CENPF: variants seen among roughly 807,000 people sequenced by gnomAD.
The protein encoded by CENPF is centromere protein F.
In CENPF, 214 loss-of-function variants were observed where a neutral mutation model predicts 307.3. The ratio of observed to expected loss-of-function variants is 0.70; its 90% CI spans 0.62 to 0.78. The LOEUF (loss-of-function observed/expected upper bound fraction) is 0.78, where lower values mean the gene tolerates loss of function less well. Among genes scored for constraint, CENPF ranks in the 30% least tolerant of loss-of-function variants. The pLI, the probability that CENPF is intolerant of heterozygous loss-of-function variation, is 0.00. For missense variants in CENPF, 3,401 were observed against 3,483.9 expected, an observed-to-expected ratio of 0.98 and a Z score of 0.60; for synonymous variants, 1,259 against 1,270.6, an observed-to-expected ratio of 0.99 and a Z score of 0.19.
chr1:214,642,808 G>A lies in CENPF; in HGVS notation c.4470G>A (p.Leu1490=), dbSNP rs112985127. ...CTGACAGCTCTAGTCTTAGCAGTTTGGGAGACTCCTCCTTTTACAGAGCTC... is the reference window on the plus strand; with the variant it reads ...CTGACAGCTCTAGTCTTAGCAGTTTAGGAGACTCCTCCTTTTACAGAGCTC... ...CVPDSSSLSS[L]GDSSFYRALL... is the part of the protein sequence containing the mutation. The change falls in exon 12 of 20, where the codon TTG becomes TTA. Residue 1490 remains leucine, a synonymous_variant. Transcript: ENST00000366955. The A allele has an allele frequency of 5.8e-4, 933 of 1,613,900 alleles. 5 individuals carry two copies. The African/African-American group carries it at 0.011, about 19-fold the overall frequency.
At chr1:214,605,610 G>A (rs1657001697) in intron 1 of CENPF, 1 of 1,380,022 alleles carries the variant, frequency 7.2e-7, no homozygotes, top group Non-Finnish European at 9.9e-7. Context: ...AGCCCCTGGG[G>A]GGCCGGCGCG....
chr1:214,641,673 C>G lies in CENPF; in HGVS notation c.3335C>G (p.Ser1112Cys), dbSNP rs1338793482. The G allele has an allele frequency of 6.3e-7, 1 of 1,580,912 alleles. No individual in the cohort carries two copies. Among genetic ancestry groups the G allele is most frequent in the East Asian group, 2.3e-5 (1 of 44,384 alleles). Reference sequence around the variant, plus strand: ...GAGACAGTGCAGCAAGCTCTGAGATCTGAGATGACAGATAACCAAAACAAT... The same window carrying G: ...GAGACAGTGCAGCAAGCTCTGAGATGTGAGATGACAGATAACCAAAACAAT... ...ELETVQQALR[S>C]EMTDNQNNSK... Residue 1112 changes from serine to cysteine, a missense_variant, in exon 12 of 20, where the codon TCT becomes TGT. Ser to Cys is a moderately radical substitution (Grantham distance 112). Transcript: ENST00000366955.
intron 19 of CENPF, among the ~76,000 whole-genome samples, chr1:214,663,373 C>T (rs1658833699): frequency 6.6e-6 from 1 of 152,108 alleles, no homozygotes; most frequent in African/African-American, 2.4e-5. Context: ...ATCAGAGGTG[C>T]CAAGGGACGT....
In CENPF at chr1:214,613,887, G is replaced by A. The variant is rs368361514; in HGVS notation, c.133G>A (p.Glu45Lys). 7.4e-6 allele frequency: 12 copies of A among 1,612,800 alleles called. No individual in the cohort carries two copies. In the East Asian group the frequency reaches 8.9e-5, roughly 12 times the overall value. The change falls in exon 2 of 20, where the codon GAG becomes AAG. Residue 45 changes from glutamate (E) to lysine (K), a missense_variant. Transcript: ENST00000366955. ...QQRQFQLDSL[E>K]AALQKQKQKV... ...AAGGCAGTTTCAGCTTGACAGTCTC[G>A]AGGCTGCGCTGCAGAAGCAAAAACA...
At chr1:214,654,922 T>C (rs184583182) in intron 16 of CENPF, among the ~76,000 whole-genome samples, 1 of 152,314 alleles carries the variant, frequency 6.6e-6, no homozygotes, top group Admixed American at 6.5e-5. Flanking sequence ...AAGAATATGT[T>C]CGTTGTCTCC....
rs754392195 is a variant in CENPF at position 214,620,878 on chromosome 1, CTAAT to C, written c.798_801del (p.Asn267AlafsTer16). On this transcript the variant is annotated frameshift_variant, in exon 6 of 20. Transcript: ENST00000366955. LOFTEE classifies it high-confidence loss of function. Reference sequence around the variant, plus strand: ...ACTTTGCAAATAGGGAAAAGAGATGCTAATAGCAGTTTCTTTGACAATTCTAGCA... The same window carrying C: ...ACTTTGCAAATAGGGAAAAGAGATGCAGCAGTTTCTTTGACAATTCTAGCA... 1.9e-6 allele frequency: 3 copies of C among 1,614,072 alleles called. No homozygotes were observed. The highest frequency in any genetic ancestry group is 2.5e-6 in the Non-Finnish European group (3 of 1,179,968).
chr1:214,623,825 A>G (rs1280998673), intron 7 of CENPF, among the ~76,000 whole-genome samples: 1 of 152,204 alleles, frequency 6.6e-6, no homozygotes, highest in Non-Finnish European at 1.5e-5. Context: ...AGAAAATAAC[A>G]AAAATAAAGT....
At position 214,663,856 on chromosome 1, in the gene CENPF, T is replaced by C; in HGVS notation, c.*62T>C. On this transcript the variant is annotated 3_prime_UTR_variant, in exon 20 of 20. Transcript: ENST00000366955. Reference sequence around the variant, plus strand: ...GTCATTGAATAGATAAGGCTGTGCCTACAGGACTTCTCTTTAGTCAGGGCA... The same window carrying C: ...GTCATTGAATAGATAAGGCTGTGCCCACAGGACTTCTCTTTAGTCAGGGCA... 1 of 1,355,578 alleles carries C rather than the reference T, an allele frequency of 7.4e-7. No individual in the cohort carries two copies. The highest frequency in any genetic ancestry group is 1.3e-5 in the South Asian group (1 of 79,080). 84.0% of individuals were successfully genotyped at this position (1,355,578 alleles called of 1,614,324 possible). A position where few individuals can be genotyped will look rare whatever the true frequency, so the allele number is the denominator to read the frequency against.
chr1:214,618,440 A>G (rs2102535730), intron 3 of CENPF, 133 bp from the exon 4 acceptor site: 1 of 1,102,640 alleles, frequency 9.1e-7, no homozygotes, highest in Non-Finnish European at 1.3e-6. Context: ...CCTGTTGGAT[A>G]AATGAAATGG....
intron 14 of CENPF, among the ~76,000 whole-genome samples, chr1:214,649,237 C>T (rs1658397719): frequency 6.6e-6 from 1 of 152,186 alleles, no homozygotes; most frequent in South Asian, 2.1e-4. Flanking sequence ...AGTAACAGAA[C>T]TAAAGTCATA....
chr1:214,609,495 AAG>A (rs1657143259), intron 1 of CENPF, among the ~76,000 whole-genome samples: 1 of 152,170 alleles, frequency 6.6e-6, no homozygotes, highest in Non-Finnish European at 1.5e-5. Context: ...TGAAGAGGGA[AAG>A]AGGAGCATAT....
chr1:214,619,224 A>G lies in CENPF; in HGVS notation c.573+4A>G, dbSNP rs752798318. 7.1e-7 allele frequency: 1 copy of G among 1,409,060 alleles called. No individual in the cohort carries two copies. Among genetic ancestry groups the G allele is most frequent in the Non-Finnish European group, 1.0e-6 (1 of 1,002,734 alleles). 87.3% of individuals were successfully genotyped at this position (1,409,060 alleles called of 1,614,324 possible). ...GGTTAAAGCCTTGCAGGCTAAAGTA[A>G]GTTAATTATGGGCCCTATAATAGAG... On this transcript the variant is annotated splice_donor_region_variant and intron_variant, in intron 5 of 19. Coordinates refer to ENST00000366955, the MANE Select transcript of CENPF (RefSeq NM_016343.4).
chr1:214,619,536 G>A (rs1360036155), intron 5 of CENPF, among the ~76,000 whole-genome samples: 2 of 152,164 alleles, frequency 1.3e-5, no homozygotes, highest in African/African-American at 2.4e-5. Flanking sequence ...AGAATTAGTC[G>A]TGATGCTCCC....
chr1:214,639,085 T>C (rs1658036556), intron 11 of CENPF, among the ~76,000 whole-genome samples: 1 of 152,234 alleles, frequency 6.6e-6, no homozygotes, highest in Non-Finnish European at 1.5e-5. Context: ...CTTGATATGA[T>C]GTCTGAGATT....
intron 3 of CENPF, among the ~76,000 whole-genome samples, chr1:214,616,880 T>C (rs1480204333): frequency 2.6e-5 from 3 of 115,232 alleles, no homozygotes. Context: ...TTTCTTTCTT[T>C]CTTTCTTTCT....
chr1:214,647,580 A>G (rs981146442), intron 13 of CENPF, among the ~76,000 whole-genome samples, 180 bp downstream of exon 13: 1 of 152,246 alleles, frequency 6.6e-6, no homozygotes, highest in Non-Finnish European at 1.5e-5. Flanking sequence ...TGGCTCTGGC[A>G]GTAGTCACTA....
Position 214,663,659 on chromosome 1 carries a change from C to T in CENPF, c.9210C>T (p.Val3070=), listed in dbSNP as rs1658843236. Residue 3070 remains valine (V), a synonymous_variant, in exon 20 of 20, where the codon GTC becomes GTT. Coordinates refer to ENST00000366955, the MANE Select transcript of CENPF (RefSeq NM_016343.4). ...TCCGAGAACCCACCACGAAATCCGTCCCAGTCAATAATCTTCCTGAGAGAA... is the reference window on the plus strand; with the variant it reads ...TCCGAGAACCCACCACGAAATCCGTTCCAGTCAATAATCTTCCTGAGAGAA... The part of the protein sequence containing the change: ...TILREPTTKS[V]PVNNLPERSP... The T allele has an allele frequency of 6.2e-7, 1 of 1,614,048 alleles. No homozygotes were observed. Among genetic ancestry groups the T allele is most frequent in the Non-Finnish European group, 8.5e-7 (1 of 1,180,022 alleles).
At chr1:214,658,819 C>A (rs771754927) in intron 18 of CENPF, 31 bp from the exon 19 acceptor site, 4 of 1,604,902 alleles carry the variant, frequency 2.5e-6, no homozygotes, top group South Asian at 1.1e-5. Context: ...TTGGACCTAG[C>A]AGTGCTGACA....
In CENPF at chr1:214,644,488, ACTAAAT is replaced by A. The variant is rs1367492747; in HGVS notation, c.4987-65_4987-60del. On this transcript the variant is annotated intron_variant, in intron 12 of 19. Transcript: ENST00000366955. ...ACGCATCAGTTTCTAAAAAGTAATAACTAAATCTATTCTATTTTGATTCTTTTTGAA... is the reference window on the plus strand; with the variant it reads ...ACGCATCAGTTTCTAAAAAGTAATAACTATTCTATTTTGATTCTTTTTGAA... 11 of 1,430,876 alleles carry A rather than the reference ACTAAAT, an allele frequency of 7.7e-6. No homozygotes were observed. In the East Asian group the frequency reaches 2.2e-4, roughly 28 times the overall value. 88.6% of individuals were successfully genotyped at this position (1,430,876 alleles called of 1,614,324 possible). A position where few individuals can be genotyped will look rare whatever the true frequency, so the allele number is the denominator to read the frequency against.
Sources: allele counts gnomAD v4.1 joint callset (sites outside exome capture counted in the v4.1 genomes callset), GRCh38; gene constraint gnomAD v4.1.1; transcripts MANE v1.5; gene names NCBI Gene and HGNC (gene_info 2026-07-23, HGNC 2026-07-21).